The following PCDH15 variants were observed in gnomAD, a reference collection of about 807,000 sequenced individuals.
PCDH15 encodes the protein protocadherin-15.
PCDH15 carries 129 observed loss-of-function variants against 178.5 expected under a neutral mutation model. The observed-to-expected ratio is 0.72, with a 90% CI of 0.63 to 0.84. PCDH15 has a LOEUF of 0.84. Among genes scored for constraint, PCDH15 ranks in the 40% least tolerant of loss-of-function variants. The pLI, the probability that PCDH15 is intolerant of heterozygous loss-of-function variation, is 0.00. For missense variants in PCDH15, 2,230 were observed against 2,099.9 expected (o/e 1.06, Z -1.21); for synonymous variants, 800 against 732.0 (o/e 1.09, Z -1.50).
chr10:54,882,182 A>G (rs1427569043), intron 3 of PCDH15, among the ~76,000 whole-genome samples: 4 of 152,126 alleles, frequency 2.6e-5, no homozygotes, highest in Non-Finnish European at 5.9e-5. Context: ...TTAGTAATAT[A>G]TTTAAGAAAT....
At chr10:54,408,646 A>G (rs1192093229) in intron 3 of PCDH15, among the ~76,000 whole-genome samples, 2 of 152,216 alleles carry the variant, frequency 1.3e-5, no homozygotes, top group East Asian at 3.9e-4. Flanking sequence ...CGCATAACTG[A>G]GAAGCTAAAA....
intron 16 of PCDH15, among the ~76,000 whole-genome samples, chr10:54,085,118 AAGT>A (rs1329561006): frequency 6.6e-6 from 1 of 152,116 alleles, no homozygotes; most frequent in Admixed American, 6.6e-5. Flanking sequence ...AATATTTTGA[AAGT>A]AGAGCTGAGC....
At chr10:55,087,610 G>A (rs1418271203) in intron 2 of PCDH15, among the ~76,000 whole-genome samples, 1 of 152,114 alleles carries the variant, frequency 6.6e-6, no homozygotes. Context: ...TGTTGGCATA[G>A]CTAAGACCAG....
intron 8 of PCDH15, among the ~76,000 whole-genome samples, chr10:54,296,213 T>C (rs2059776805): frequency 2.0e-5 from 3 of 149,380 alleles, no homozygotes; most frequent in Admixed American, 1.3e-4. Flanking sequence ...GTGTCAGGCA[T>C]TCTAGGAAAG....
At chr10:53,945,668 C>A (rs775460393) in intron 23 of PCDH15, among the ~76,000 whole-genome samples, 1 of 151,576 alleles carries the variant, frequency 6.6e-6, no homozygotes. Context: ...ACTATTAGAA[C>A]ATGCAGTTTT....
chr10:53,925,433 A>G (rs2084442678), intron 25 of PCDH15, among the ~76,000 whole-genome samples: 1 of 152,216 alleles, frequency 6.6e-6, no homozygotes, highest in Admixed American at 6.5e-5. Context: ...TCAGAAGGAA[A>G]GAACTCCAGA....
rs140429153 is a variant in PCDH15 at position 54,280,232 on chromosome 10, T to C, written c.876+37039A>G. ...GCATTTTAGAAATGAAGACTGCCTATTCATGTGGCTTCTGTGATTTTGTTA... is the reference window on the plus strand; with the variant it reads ...GCATTTTAGAAATGAAGACTGCCTACTCATGTGGCTTCTGTGATTTTGTTA... On this transcript the variant is annotated intron_variant, in intron 8 of 37. Transcript: ENST00000644397. 6.3e-3 allele frequency among the ~76,000 whole-genome samples: 962 copies of C among 151,814 alleles called. 12 individuals are homozygous for C. Among genetic ancestry groups the C allele is most frequent in the African/African-American group, 0.022 (909 of 41,512 alleles).
chr10:54,051,737 C>T (rs1031846827), intron 18 of PCDH15, among the ~76,000 whole-genome samples: 1 of 152,170 alleles, frequency 6.6e-6, no homozygotes, highest in Non-Finnish European at 1.5e-5. Context: ...AAATGCTAAT[C>T]ACCAAGACAT....
intron 1 of PCDH15, among the ~76,000 whole-genome samples, chr10:55,286,556 A>C (rs111591861): frequency 0.014 from 2,075 of 151,762 alleles, 48 homozygotes; most frequent in African/African-American, 0.047. Flanking sequence ...TATTTATTGA[A>C]TGCCACCTAT....
At chr10:54,531,940 G>C (rs2083970948) in intron 2 of PCDH15, among the ~76,000 whole-genome samples, 1 of 152,100 alleles carries the variant, frequency 6.6e-6, no homozygotes, top group South Asian at 2.1e-4. Flanking sequence ...ACATAAGTCA[G>C]AAACCAGGAA....
intron 2 of PCDH15, among the ~76,000 whole-genome samples, chr10:54,535,347 C>T: frequency 6.6e-6 from 1 of 152,190 alleles, no homozygotes; most frequent in East Asian, 1.9e-4. Context: ...TTTATTCTAA[C>T]TGGTCTATCA....
chr10:54,381,063 A>C (rs1188456160), intron 3 of PCDH15, among the ~76,000 whole-genome samples: 1 of 151,768 alleles, frequency 6.6e-6, no homozygotes, highest in Non-Finnish European at 1.5e-5. Context: ...ATTGCCAAAA[A>C]GAAAAAAAAA....
intron 2 of PCDH15, among the ~76,000 whole-genome samples, chr10:55,054,773 G>C (rs986744586): frequency 2.6e-5 from 4 of 152,142 alleles, no homozygotes; most frequent in African/African-American, 9.7e-5. Context: ...CAGTGATGTT[G>C]AGCTTATTTT....
At chr10:55,315,845 G>A (rs1843710290) in intron 1 of PCDH15, among the ~76,000 whole-genome samples, 2 of 151,890 alleles carry the variant, frequency 1.3e-5, no homozygotes, top group East Asian at 1.9e-4. Context: ...GTGAAACTCC[G>A]TCTCTACTAA....
chr10:55,483,076 G>A (rs1211549239), intron 2 of PCDH15, among the ~76,000 whole-genome samples: 1 of 151,576 alleles, frequency 6.6e-6, no homozygotes, highest in Non-Finnish European at 1.5e-5. Context: ...CATAAGCATG[G>A]GCAAAGATTT....
At chr10:55,304,474 G>A (rs958529158) in intron 1 of PCDH15, among the ~76,000 whole-genome samples, 11 of 152,102 alleles carry the variant, frequency 7.2e-5, no homozygotes, top group Non-Finnish European at 1.6e-4. Flanking sequence ...GTATATAAAT[G>A]TAACTTATAT....
At chr10:54,544,139 G>T (rs1340035743) in intron 2 of PCDH15, among the ~76,000 whole-genome samples, 1 of 152,146 alleles carries the variant, frequency 6.6e-6, no homozygotes, top group Non-Finnish European at 1.5e-5. Flanking sequence ...AATTTGATCT[G>T]ACATTTCTTG....
intron 1 of PCDH15, among the ~76,000 whole-genome samples, chr10:55,189,598 T>G (rs1486368481): frequency 6.6e-6 from 1 of 151,924 alleles, no homozygotes; most frequent in Admixed American, 6.6e-5. Flanking sequence ...ATAAGCTTTA[T>G]GTTTAAGAAC....
Position 54,068,467 on chromosome 10 carries a change from C to T in PCDH15, c.2092-1582G>A, listed in dbSNP as rs114411142. Among the ~76,000 whole-genome samples the T allele has an allele frequency of 4.7e-3, 718 of 152,050 alleles. 6 individuals carry two copies. Among genetic ancestry groups the T allele is most frequent in the African/African-American group, 0.016 (680 of 41,502 alleles). ...ATCTGGAAACAACCCAAATGTCCAT[C>T]GATAGTAGATGGTTATACAGGATTG... is the stretch of plus-strand genomic sequence containing the variant. On this transcript the variant is annotated intron_variant, in intron 17 of 37. Coordinates refer to ENST00000644397, the MANE Select transcript of PCDH15 (RefSeq NM_001384140.1).
Sources: allele counts gnomAD v4.1 joint callset (sites outside exome capture counted in the v4.1 genomes callset), GRCh38; gene constraint gnomAD v4.1.1; transcripts MANE v1.5; gene names NCBI Gene and HGNC (gene_info 2026-07-23, HGNC 2026-07-21).